The following ABCB7 variants were observed in gnomAD, a reference collection of about 807,000 sequenced individuals.
ABCB7 encodes iron-sulfur clusters transporter ABCB7, mitochondrial.
ABCB7 carries 7 observed loss-of-function variants against 54.4 expected under a neutral mutation model. The ratio of observed to expected loss-of-function variants is 0.13; its 90% CI spans 0.07 to 0.24. The LOEUF (loss-of-function observed/expected upper bound fraction) is 0.24. Among genes scored for constraint, ABCB7 ranks in the 10% least tolerant of loss-of-function variants. ABCB7 has a pLI of 1.00. For missense variants in ABCB7, 356 were observed against 570.4 expected (o/e 0.62, Z 3.83); for synonymous variants, 218 against 207.1 (o/e 1.05, Z -0.45).
At chrX:75,129,258 A>G (rs1388533852) in intron 1 of ABCB7, among the ~76,000 whole-genome samples, 2 of 111,764 alleles carry the variant, frequency 1.8e-5, no homozygotes, top group Non-Finnish European at 3.8e-5. Flanking sequence ...ATGGAATACT[A>G]TGCAGCCACA....
At chrX:75,109,837 C>T (rs912763565) in intron 3 of ABCB7, among the ~76,000 whole-genome samples, 3 of 111,767 alleles carry the variant, frequency 2.7e-5, no homozygotes, top group Non-Finnish European at 5.6e-5. Context: ...AACCCAACAA[C>T]TGCAATAAAA....
intron 1 of ABCB7, among the ~76,000 whole-genome samples, chrX:75,153,215 CT>C (rs1047646806): frequency 9.0e-6 from 1 of 110,826 alleles, no homozygotes; most frequent in African/African-American, 3.3e-5. Context: ...ATAGCTGGGA[CT>C]ACAGGAGCCC....
intron 4 of ABCB7, among the ~76,000 whole-genome samples, chrX:75,078,000 G>A (rs1166103760): frequency 9.6e-6 from 1 of 104,494 alleles, no homozygotes; most frequent in East Asian, 3.0e-4. Context: ...TGCAAACTCC[G>A]CCTCCTGGGT....
At chrX:75,127,929 C>T (rs1242437861) in intron 1 of ABCB7, among the ~76,000 whole-genome samples, 1 of 111,815 alleles carries the variant, frequency 8.9e-6, no homozygotes, top group Non-Finnish European at 1.9e-5. Flanking sequence ...CTACAAACCA[C>T]TGCTCAAGGA....
chrX:75,125,311 T>C (rs192733587), intron 1 of ABCB7, among the ~76,000 whole-genome samples: 7 of 111,670 alleles, frequency 6.3e-5, no homozygotes, highest in East Asian at 2.8e-4. Context: ...AACATTGATA[T>C]AACACAAACC....
At chrX:75,118,822 A>G (rs1320618689) in intron 1 of ABCB7, among the ~76,000 whole-genome samples, 1 of 111,528 alleles carries the variant, frequency 9.0e-6, no homozygotes, top group East Asian at 2.8e-4. Flanking sequence ...TCCCCCACTG[A>G]GAGATAACAC....
In ABCB7 at chrX:75,142,578, C is replaced by T. The variant is rs776295975; in HGVS notation, c.168+13527G>A. Among the ~76,000 whole-genome samples, 3 of 111,827 alleles carry T rather than the reference C, an allele frequency of 2.7e-5. No homozygotes were observed. The Admixed American group carries it at 2.8e-4, about 11-fold the overall frequency. Reference sequence around the variant, plus strand: ...TTTGCATACTTTCAAAGAATCTCCCCCCAAGGTGTTTTTAAATTAGCCTTT... The same window carrying T: ...TTTGCATACTTTCAAAGAATCTCCCTCCAAGGTGTTTTTAAATTAGCCTTT... On this transcript the variant is annotated intron_variant, in intron 1 of 15. Coordinates refer to ENST00000373394, the MANE Select transcript of ABCB7 (RefSeq NM_001271696.3).
chrX:75,057,674 T>C (rs2081252018), intron 15 of ABCB7, among the ~76,000 whole-genome samples: 1 of 111,644 alleles, frequency 9.0e-6, no homozygotes, highest in African/African-American at 3.3e-5. Flanking sequence ...TCTGTGTGCA[T>C]CAATATGCCT....
Position 75,155,970 on chromosome X carries a change from C to T in ABCB7, c.168+135G>A. The T allele has an allele frequency of 5.5e-5, 40 of 729,385 alleles. No individual in the cohort carries two copies. The South Asian group carries it at 7.3e-4, about 13-fold the overall frequency. 60.1% of individuals were successfully genotyped at this position (729,385 alleles called of 1,213,427 possible). ...TCCTCAAATTACTGACGTTAATTTC[C>T]TTCACTTACTGCTGCTCCCAGTTAG... On this transcript the variant is annotated intron_variant, in intron 1 of 15. Transcript: ENST00000373394.
intron 4 of ABCB7, among the ~76,000 whole-genome samples, chrX:75,098,460 G>A (rs2081610920): frequency 9.0e-6 from 1 of 111,422 alleles, no homozygotes; most frequent in Non-Finnish European, 1.9e-5. Flanking sequence ...TATACTGAAC[G>A]TACCAAAACA....
At chrX:75,091,329 C>T (rs1175858326) in intron 4 of ABCB7, among the ~76,000 whole-genome samples, 1 of 110,720 alleles carries the variant, frequency 9.0e-6, no homozygotes, top group Non-Finnish European at 1.9e-5. Flanking sequence ...TCCATCACAT[C>T]AACAAGCTAA....
At chrX:75,074,388 T>C (rs944831256) in intron 6 of ABCB7, among the ~76,000 whole-genome samples, 23 of 111,745 alleles carry the variant, frequency 2.1e-4, no homozygotes, top group Admixed American at 3.8e-4. Context: ...AAGGGAACAC[T>C]TATACACTGC....
intron 4 of ABCB7, among the ~76,000 whole-genome samples, chrX:75,084,288 T>A (rs6607508): frequency 9.0e-6 from 1 of 110,977 alleles, no homozygotes; most frequent in Non-Finnish European, 1.9e-5. Flanking sequence ...CAGCTACTAT[T>A]TTTGTGATAA....
intron 2 of ABCB7, among the ~76,000 whole-genome samples, chrX:75,113,260 T>C (rs1014392090): frequency 3.6e-5 from 4 of 112,393 alleles, no homozygotes; most frequent in African/African-American, 1.3e-4. Flanking sequence ...TGACTTATAC[T>C]GGCTTTCCCA....
In ABCB7 at chrX:75,053,048, T is replaced by C. The variant is rs1460664432; in HGVS notation, c.*322A>G. On this transcript the variant is annotated 3_prime_UTR_variant, in exon 16 of 16. Transcript: ENST00000373394. ...ATAAAGGTTTTAAAAACTATAAAAA[T>C]TGGGAAACCAATCTGATTCATCTGG... The C allele has an allele frequency of 2.1e-5, 5 of 242,077 alleles. No individual in the cohort carries two copies. The highest frequency in any genetic ancestry group is 3.6e-5 in the Non-Finnish European group (5 of 137,946). The allele number at this position is 242,077 out of a possible 1,213,427, so 19.9% of individuals were successfully genotyped here. A position where few individuals can be genotyped will look rare whatever the true frequency, so the allele number is the denominator to read the frequency against.
rs1602428433 is a variant in ABCB7 at position 75,156,021 on chromosome X, T to A, written c.168+84A>T. ...CCATGACTTTCTTCTTGGTGCTCTCTCTGCCCCGAGGTCAGGAGGGCAACC... is the reference window on the plus strand; with the variant it reads ...CCATGACTTTCTTCTTGGTGCTCTCACTGCCCCGAGGTCAGGAGGGCAACC... On this transcript the variant is annotated intron_variant, in intron 1 of 15. Transcript: ENST00000373394. 24 of 1,075,376 alleles carry A rather than the reference T, an allele frequency of 2.2e-5. No homozygotes were observed. The East Asian group carries it at 7.7e-4, about 34-fold the overall frequency. 88.6% of individuals were successfully genotyped at this position (1,075,376 alleles called of 1,213,427 possible).
chrX:75,113,394 C>T (rs1169838798), intron 2 of ABCB7, among the ~76,000 whole-genome samples: 2 of 112,162 alleles, frequency 1.8e-5, no homozygotes, highest in African/African-American at 6.5e-5. Context: ...ATAGTTAACA[C>T]AGTTAATTTT....
intron 3 of ABCB7, among the ~76,000 whole-genome samples, chrX:75,104,069 T>TTTTTGTTTTTTTG: frequency 1.4e-5 from 1 of 73,712 alleles, no homozygotes; most frequent in South Asian, 8.0e-4. Context: ...TTTTTTTTTT[T>TTTTTGTTTTTTTG]TTTTTTTTTT....
At position 75,156,242 on chromosome X, in the gene ABCB7, A is replaced by C; in HGVS notation, c.31T>G (p.Trp11Gly). MALLAMHSWR[W>G]AAAAAAFEKR... ...TCGAAAGCAGCCGCCGCGGCCGCCC[A>C]GCGCCAAGAATGCATCGCGAGCAGC... The change falls in exon 1 of 16, where the codon TGG (tryptophan) becomes GGG (glycine). Residue 11 changes from tryptophan (W) to glycine (G), a missense_variant. Around this residue, in one of 2 missense-constraint regions of ABCB7, gnomAD observed 115 missense variants for 99.5 expected, o/e 1.16. Coordinates refer to ENST00000373394, the MANE Select transcript of ABCB7 (RefSeq NM_001271696.3). 1.7e-6 allele frequency: 2 copies of C among 1,205,876 alleles called. No homozygotes were observed. Among genetic ancestry groups the C allele is most frequent in the Non-Finnish European group, 2.2e-6 (2 of 892,811 alleles).
Sources: gnomAD v4.1 joint callset for allele counts (sites outside exome capture counted in the v4.1 genomes callset) on GRCh38, gnomAD v4.1.1 for gene constraint, gnomAD v4.1.1 regional missense constraint, MANE v1.5 for transcripts, NCBI Gene and HGNC (gene_info 2026-07-23, HGNC 2026-07-21) for gene names.